CCDC7: variants seen among roughly 807,000 people sequenced by gnomAD.
CCDC7 encodes coiled-coil domain-containing protein 7.
CCDC7 carries 183 observed loss-of-function variants against 196.9 expected under a neutral mutation model. The ratio of observed to expected loss-of-function variants is 0.93; its 90% CI spans 0.82 to 1.05. CCDC7 has a LOEUF of 1.05. CCDC7 is among the 50% of genes least tolerant of loss of function. The pLI is 0.00. For missense variants in CCDC7, 1,540 were observed against 1,482.2 expected (o/e 1.04, Z -0.64); for synonymous variants, 525 against 484.6 (o/e 1.08, Z -1.10).
chr10:32,452,799 G>A (rs1013719799), intron 1 of CCDC7, among the ~76,000 whole-genome samples: 1 of 152,088 alleles, frequency 6.6e-6, no homozygotes, highest in African/African-American at 2.4e-5. Flanking sequence ...TCCTTTCTCT[G>A]AGTTTCTATT....
At chr10:32,485,902 G>A (rs2040970693) in intron 8 of CCDC7, among the ~76,000 whole-genome samples, 1 of 152,174 alleles carries the variant, frequency 6.6e-6, no homozygotes, top group Admixed American at 6.5e-5. Flanking sequence ...TTGCTGAGGA[G>A]TGCTTTACTT....
chr10:32,801,294 T>G (rs2084735714), intron 29 of CCDC7, among the ~76,000 whole-genome samples: 2 of 152,224 alleles, frequency 1.3e-5, no homozygotes, highest in Non-Finnish European at 2.9e-5. Context: ...CCTAAGACTT[T>G]GGATCTTTTT....
chr10:32,623,823 T>A (rs1202643784), intron 18 of CCDC7: 1 of 469,160 alleles, frequency 2.1e-6, no homozygotes, highest in Non-Finnish European at 4.4e-6. Flanking sequence ...ACACGGTGAG[T>A]GTGGGAATGA....
chr10:32,675,319 A>G (rs992657203), intron 21 of CCDC7, among the ~76,000 whole-genome samples: 40 of 69,314 alleles, frequency 5.8e-4, no homozygotes, highest in Middle Eastern at 0.015. Flanking sequence ...TACAGTTACG[A>G]TTACCATAAA....
intron 13 of CCDC7, among the ~76,000 whole-genome samples, chr10:32,560,852 C>G (rs1196393779): frequency 1.3e-5 from 2 of 152,226 alleles, no homozygotes; most frequent in African/African-American, 4.8e-5. Flanking sequence ...GGGCTAAATG[C>G]TCCAATTAAA....
intron 28 of CCDC7, among the ~76,000 whole-genome samples, chr10:32,729,711 T>TTG (rs985402405): frequency 4.6e-5 from 7 of 152,076 alleles, no homozygotes; most frequent in Non-Finnish European, 5.9e-5. Flanking sequence ...TGCTCTATTT[T>TTG]TGTGTGTGTG....
At chr10:32,451,553 G>C, upstream of CCDC7, 1 of 1,476,836 alleles carries the variant, frequency 6.8e-7, no homozygotes, top group Non-Finnish European at 9.0e-7. Flanking sequence ...TTTAATTAGA[G>C]CCTGGTGTTT....
chr10:32,689,874 A>C (rs991738234), intron 23 of CCDC7, among the ~76,000 whole-genome samples: 1 of 152,018 alleles, frequency 6.6e-6, no homozygotes, highest in Admixed American at 6.5e-5. Flanking sequence ...AGCTGAGATT[A>C]TAGGCACACA....
intron 27 of CCDC7, 24 bp downstream of exon 28, chr10:32,729,021 C>T (rs2083522638): frequency 2.1e-6 from 3 of 1,439,974 alleles, no homozygotes; most frequent in African/African-American, 2.8e-5. Context: ...TTATCGATAA[C>T]TTTAAATTAT....
intron 10 of CCDC7, 151 bp from the exon 12 acceptor site, chr10:32,518,265 C>CCG: frequency 1.4e-6 from 1 of 719,668 alleles, no homozygotes; most frequent in Non-Finnish European, 1.9e-6. Context: ...CTTTCAGCTC[C>CCG]AATTATTGTG....
intron 13 of CCDC7, among the ~76,000 whole-genome samples, chr10:32,561,875 A>T (rs1236145936): frequency 6.6e-6 from 1 of 152,292 alleles, no homozygotes; most frequent in South Asian, 2.1e-4. Context: ...GGTTTTTTGA[A>T]AGGATCAACA....
intron 20 of CCDC7, among the ~76,000 whole-genome samples, chr10:32,661,120 A>AG (rs2071308279): frequency 1.3e-5 from 2 of 151,428 alleles, no homozygotes; most frequent in South Asian, 4.2e-4. Flanking sequence ...AACTCCAACA[A>AG]ATTTACAAGA....
chr10:32,870,721 T>C (rs1244727892), intron 41 of CCDC7, among the ~76,000 whole-genome samples: 4 of 152,292 alleles, frequency 2.6e-5, no homozygotes, highest in East Asian at 3.9e-4. Flanking sequence ...CAGTATGATA[T>C]TGGCTGTGGG....
intron 41 of CCDC7, among the ~76,000 whole-genome samples, chr10:32,863,178 A>C (rs968847852): frequency 6.6e-6 from 1 of 152,112 alleles, no homozygotes; most frequent in Admixed American, 6.6e-5. Flanking sequence ...CACAAAAAAA[A>C]CCATGAATAG....
At chr10:32,547,227 A>T (rs1454495029) in intron 13 of CCDC7, among the ~76,000 whole-genome samples, 1 of 152,078 alleles carries the variant, frequency 6.6e-6, no homozygotes, top group South Asian at 2.1e-4. Context: ...AGCTCTTGCT[A>T]TGTTGCCCAG....
intron 20 of CCDC7, among the ~76,000 whole-genome samples, chr10:32,651,717 T>A (rs564700207): frequency 1.6e-4 from 25 of 152,050 alleles, no homozygotes; most frequent in Non-Finnish European, 4.4e-5. Context: ...GGGGAGGTCA[T>A]CTTGGGGCTG....
intron 9 of CCDC7, chr10:32,513,556 TAAG>T (rs1330356413): frequency 1.3e-5 from 2 of 152,128 alleles, no homozygotes; most frequent in East Asian, 1.9e-4. Context: ...ATATTTATTT[TAAG>T]AAGATAAATA....
rs569271072 is a variant in CCDC7, at chr10:32,519,075, C to T, written c.993+570C>T. 2.9e-4 allele frequency among the ~76,000 whole-genome samples: 44 copies of T among 152,194 alleles called. No homozygotes were observed. The East Asian group carries it at 8.3e-3, about 29-fold the overall frequency. ...CAATAATGTTGGTTGCTTGATATTT[C>T]TTCCTTACTAGGTGAGGAAGCAGAA... On this transcript the variant is annotated intron_variant, in intron 11 of 41. Transcript: ENST00000639629.
rs567143425 is a variant in CCDC7, at chr10:32,626,543, C to A, written c.1802-7711C>A. On this transcript the variant is annotated intron_variant, in intron 18 of 41. Transcript: ENST00000639629. ...TTCAAATTATTAATAATTTCCTTTG[C>A]TGTGCAGAAACTTTTCAATTTTATG... Among the ~76,000 whole-genome samples, 6 of 151,964 alleles carry A rather than the reference C, an allele frequency of 3.9e-5. No homozygotes were observed. The East Asian group carries it at 1.2e-3, about 29-fold the overall frequency.
Sources: gnomAD v4.1 joint callset for allele counts (sites outside exome capture counted in the v4.1 genomes callset) on GRCh38, gnomAD v4.1.1 for gene constraint, MANE v1.5 for transcripts, NCBI Gene and HGNC (gene_info 2026-07-23, HGNC 2026-07-21) for gene names.